NEGR1: variants seen among roughly 807,000 people sequenced by gnomAD.
NEGR1 encodes the protein neuronal growth regulator 1, also known as IgLON family member 4.
A neutral mutation model predicts 40.9 loss-of-function variants in NEGR1; 10 were observed. That is an observed-to-expected ratio of 0.24 (90% CI 0.15 to 0.42). NEGR1 has a LOEUF of 0.42. Ranked by LOEUF, NEGR1 falls within the 10% of genes least tolerant of loss-of-function variation. The pLI, the probability that NEGR1 is intolerant of heterozygous loss-of-function variation, is 1.00. For missense variants in NEGR1, 352 were observed against 438.9 expected (o/e 0.80, Z 1.77); for synonymous variants, 185 against 166.8 (o/e 1.11, Z -0.84).
chr1:71,562,158 T>C (rs1306243278), intron 6 of NEGR1, among the ~76,000 whole-genome samples: 1 of 151,746 alleles, frequency 6.6e-6, no homozygotes, highest in Non-Finnish European at 1.5e-5. Flanking sequence ...CAGATTGTCA[T>C]TAATAAATGG....
intron 1 of NEGR1, among the ~76,000 whole-genome samples, chr1:72,255,390 T>C (rs138420463): frequency 6.6e-6 from 1 of 152,192 alleles, no homozygotes; most frequent in Non-Finnish European, 1.5e-5. Context: ...TATATAGTAG[T>C]TGTTGAATAG....
chr1:72,241,214 CATT>C (rs1339379023), intron 1 of NEGR1, among the ~76,000 whole-genome samples: 1 of 151,606 alleles, frequency 6.6e-6, no homozygotes, highest in Non-Finnish European at 1.5e-5. Flanking sequence ...TTTAAGGAAT[CATT>C]ATGAATACAG....
intron 1 of NEGR1, among the ~76,000 whole-genome samples, chr1:72,100,239 C>A (rs1024308948): frequency 1.3e-5 from 2 of 152,088 alleles, no homozygotes; most frequent in African/African-American, 4.8e-5. Flanking sequence ...TAAAACGTCC[C>A]CATGGAAAGT....
chr1:72,275,973 G>A (rs1448787307), intron 1 of NEGR1, among the ~76,000 whole-genome samples: 3 of 152,144 alleles, frequency 2.0e-5, no homozygotes, highest in South Asian at 4.1e-4. Context: ...GCACACACCT[G>A]TAGTCCCAGC....
chr1:72,145,268 C>G (rs1650863463), intron 1 of NEGR1, among the ~76,000 whole-genome samples: 1 of 152,102 alleles, frequency 6.6e-6, no homozygotes, highest in Non-Finnish European at 1.5e-5. Context: ...AATGCATCCT[C>G]AGAGTCAACT....
chr1:71,864,172 G>A (rs916868684), intron 2 of NEGR1, among the ~76,000 whole-genome samples: 1 of 152,052 alleles, frequency 6.6e-6, no homozygotes, highest in Non-Finnish European at 1.5e-5. Flanking sequence ...AGGTCGCCTG[G>A]GTCCACAGGT....
intron 6 of NEGR1, among the ~76,000 whole-genome samples, chr1:71,503,900 G>T (rs1372927167): frequency 6.6e-6 from 1 of 151,564 alleles, no homozygotes; most frequent in East Asian, 1.9e-4. Flanking sequence ...AGTCTCGCCA[G>T]CTGAACAAAA....
At position 71,401,815 on chromosome 1, in the gene NEGR1, G is replaced by A. The variant is rs1310363109; in HGVS notation, c.*5631C>T. ...AAGAAGATACATGCGATTATGACAAGATTCTCCACTTGGTGTGACCAGTCT... is the reference window on the plus strand; with the variant it reads ...AAGAAGATACATGCGATTATGACAAAATTCTCCACTTGGTGTGACCAGTCT... On this transcript the variant is annotated 3_prime_UTR_variant, in exon 7 of 7. Transcript: ENST00000357731. 2 of 152,134 alleles carry A rather than the reference G, an allele frequency of 1.3e-5. No homozygotes were observed. The highest frequency in any genetic ancestry group is 2.9e-5 in the Non-Finnish European group (2 of 68,012). The allele number at this position is 152,134 out of a possible 1,614,324, so 9.4% of individuals were successfully genotyped here.
chr1:71,627,883 T>C (rs1023020638), intron 4 of NEGR1, among the ~76,000 whole-genome samples: 1 of 152,034 alleles, frequency 6.6e-6, no homozygotes. Context: ...AGTAATTCAA[T>C]GTGAATATTA....
At chr1:72,040,213 T>TG (rs1424116383) in intron 1 of NEGR1, among the ~76,000 whole-genome samples, 23 of 151,902 alleles carry the variant, frequency 1.5e-4, no homozygotes, top group African/African-American at 5.1e-4. Flanking sequence ...TGTCATAGTC[T>TG]TCCCCCGAAT....
chr1:72,152,177 T>C (rs1234711889), intron 1 of NEGR1, among the ~76,000 whole-genome samples: 2 of 151,832 alleles, frequency 1.3e-5, no homozygotes, highest in Non-Finnish European at 2.9e-5. Context: ...TTGACCATAA[T>C]CTAATTAAAT....
chr1:72,089,120 T>C (rs1171696751), intron 1 of NEGR1, among the ~76,000 whole-genome samples: 1 of 152,170 alleles, frequency 6.6e-6, no homozygotes, highest in African/African-American at 2.4e-5. Flanking sequence ...GATTCTGCTT[T>C]TCTAACAAGC....
At chr1:71,920,397 A>G (rs1645703729) in intron 2 of NEGR1, among the ~76,000 whole-genome samples, 1 of 152,168 alleles carries the variant, frequency 6.6e-6, no homozygotes, top group African/African-American at 2.4e-5. Context: ...TTCAAGCAGT[A>G]TACTATGGCT....
At chr1:71,473,820 CT>C (rs1360085511) in intron 6 of NEGR1, among the ~76,000 whole-genome samples, 3 of 151,942 alleles carry the variant, frequency 2.0e-5, no homozygotes, top group Non-Finnish European at 2.9e-5. Context: ...TTCCTAATGG[CT>C]TCCTTTGTGA....
At chr1:71,811,614 T>C (rs551101108) in intron 2 of NEGR1, among the ~76,000 whole-genome samples, 9 of 150,926 alleles carry the variant, frequency 6.0e-5, no homozygotes, top group African/African-American at 2.2e-4. Flanking sequence ...ATTATATTAC[T>C]TACTTATAAT....
intron 1 of NEGR1, among the ~76,000 whole-genome samples, chr1:72,019,026 A>C (rs1260089892): frequency 6.6e-6 from 1 of 152,184 alleles, no homozygotes; most frequent in Admixed American, 6.5e-5. Context: ...ATTGGAAATC[A>C]AGACATATGA....
chr1:71,525,418 T>C (rs1169469807), intron 6 of NEGR1, among the ~76,000 whole-genome samples: 1 of 151,694 alleles, frequency 6.6e-6, no homozygotes, highest in African/African-American at 2.4e-5. Flanking sequence ...ATGCTGGACT[T>C]GCAATAATCA....
At chr1:71,747,378 T>C (rs1299589767) in intron 3 of NEGR1, among the ~76,000 whole-genome samples, 1 of 152,002 alleles carries the variant, frequency 6.6e-6, no homozygotes, top group Non-Finnish European at 1.5e-5. Context: ...AGAAATCACT[T>C]AGTCTTTCTT....
At chr1:72,197,905 A>G (rs895262650) in intron 1 of NEGR1, among the ~76,000 whole-genome samples, 11 of 152,170 alleles carry the variant, frequency 7.2e-5, no homozygotes, top group African/African-American at 9.6e-5. Context: ...GATGAACCCA[A>G]TTAAATTTTA....
Sources: gnomAD v4.1 joint callset for allele counts (sites outside exome capture counted in the v4.1 genomes callset) on GRCh38, gnomAD v4.1.1 for gene constraint, MANE v1.5 for transcripts, NCBI Gene and HGNC (gene_info 2026-07-23, HGNC 2026-07-21) for gene names.